The following TANC1 variants were observed in gnomAD, a reference collection of about 807,000 sequenced individuals.
TANC1 encodes tetratricopeptide repeat, ankyrin repeat and coiled-coil containing 1, also known as protein TANC1.
Under a neutral mutation model 149.7 loss-of-function variants are expected in TANC1, and 77 were observed. The ratio of observed to expected loss-of-function variants is 0.51; its 90% confidence interval spans 0.43 to 0.62. The LOEUF is 0.62. Ranked by LOEUF, TANC1 falls within the 20% of genes least tolerant of loss-of-function variation. The pLI, the probability that TANC1 is intolerant of heterozygous loss-of-function variation, is 0.00. For missense variants in TANC1, 1,985 were observed against 2,321.8 expected, an observed-to-expected ratio of 0.85 and a Z score of 2.98; for synonymous variants, 854 against 925.0, an observed-to-expected ratio of 0.92 and a Z score of 1.39.
rs771808991 is a variant in TANC1 at position 159,097,790 on chromosome 2, G to A, written c.215G>A (p.Arg72Gln). The A allele has an allele frequency of 9.3e-6, 15 of 1,613,730 alleles. No individual in the cohort carries two copies. Among genetic ancestry groups the A allele is most frequent in the East Asian group, 6.7e-5 (3 of 44,878 alleles). ...MSLPSSPLLP[R>Q]QSHLVQSRVN... Reference sequence around the variant, plus strand: ...CTGCCTTCCTCACCTTTGCTGCCTCGACAGTCTCACTTGGTGCAATCAAGA... The same window carrying A: ...CTGCCTTCCTCACCTTTGCTGCCTCAACAGTCTCACTTGGTGCAATCAAGA... Residue 72 changes from arginine (R) to glutamine (Q), a missense_variant, in exon 4 of 27, where the codon CGA (arginine) becomes CAA (glutamine). Arg to Gln is a conservative substitution (Grantham distance 43). Around this residue, in one of 3 missense-constraint regions of TANC1, gnomAD observed 557 missense variants for 612.9 expected, o/e 0.91. Transcript: ENST00000263635.
intron 4 of TANC1, among the ~76,000 whole-genome samples, chr2:159,110,448 G>T (rs1227581372): frequency 6.6e-6 from 1 of 152,130 alleles, no homozygotes; most frequent in African/African-American, 2.4e-5. Flanking sequence ...ATAAATTGTT[G>T]TTTAAGCCAC....
In TANC1 at chr2:159,130,835, C is replaced by T. The variant is rs78509970; in HGVS notation, c.260-5359C>T. On this transcript the variant is annotated intron_variant, in intron 4 of 26. Coordinates refer to ENST00000263635, the MANE Select transcript of TANC1 (RefSeq NM_033394.3). Reference sequence around the variant, plus strand: ...AGCTGGGACTACAGGCGTGCACCACCGTGCCCAACTCAGAGTTCCTTTCTT... The same window carrying T: ...AGCTGGGACTACAGGCGTGCACCACTGTGCCCAACTCAGAGTTCCTTTCTT... Among the ~76,000 whole-genome samples the T allele has an allele frequency of 4.1e-3, 626 of 152,264 alleles. 3 individuals carry two copies. The highest frequency in any genetic ancestry group is 0.013 in the African/African-American group (556 of 41,550).
chr2:159,154,015 C>T (rs1308396276), intron 7 of TANC1, among the ~76,000 whole-genome samples: 1 of 152,092 alleles, frequency 6.6e-6, no homozygotes, highest in Non-Finnish European at 1.5e-5. Context: ...TTACACAGGG[C>T]CTGGAGAAGG....
In TANC1 at chr2:159,096,559, G is replaced by A. The variant is rs897861831; in HGVS notation, c.62-1078G>A. Among the ~76,000 whole-genome samples the A allele has an allele frequency of 2.6e-5, 4 of 152,228 alleles. No individual in the cohort carries two copies. In the South Asian group the frequency reaches 6.2e-4, roughly 24 times the overall value. On this transcript the variant is annotated intron_variant, in intron 3 of 26. Transcript: ENST00000263635. The stretch of plus-strand genomic sequence containing the variant: ...GAGAGCACACCTGGACAGGGGAGGG[G>A]CAGGAGTTCTTATTCCTGACGCAGG...
rs56038534 is a variant in TANC1, at chr2:159,091,962, A to AG, written c.62-5667dup. 7.6e-4 allele frequency among the ~76,000 whole-genome samples: 106 copies of AG among 140,012 alleles called. 1 individual carries two copies. The highest frequency in any genetic ancestry group is 2.1e-3 in the African/African-American group (72 of 34,436). The allele number at this position is 140,012 out of a possible 152,430, so 91.9% of individuals were successfully genotyped here. ...AAATCTTTCAGTTTTCTGTAAATAT[A>AG]GGGGGGGGTGTGTGTGTGTATGTAT... On this transcript the variant is annotated intron_variant, in intron 3 of 26. Coordinates refer to ENST00000263635, the MANE Select transcript of TANC1 (RefSeq NM_033394.3).
At position 159,096,046 on chromosome 2, in the gene TANC1, A is replaced by C. The variant is rs533048106; in HGVS notation, c.62-1591A>C. Among the ~76,000 whole-genome samples, 7 of 152,240 alleles carry C rather than the reference A, an allele frequency of 4.6e-5. No individual in the cohort carries two copies. The East Asian group carries it at 1.4e-3, about 29-fold the overall frequency. On this transcript the variant is annotated intron_variant, in intron 3 of 26. Coordinates refer to ENST00000263635, the MANE Select transcript of TANC1 (RefSeq NM_033394.3). ...GTTTTTGGAGCCAGGAAGGCGTGGC[A>C]AGGACTGGTTGGATAGCTTTTGTCA...
At chr2:159,152,463 A>ATTTTTTTT (rs55894080) in intron 7 of TANC1, among the ~76,000 whole-genome samples, 2 of 118,156 alleles carry the variant, frequency 1.7e-5, no homozygotes, top group Non-Finnish European at 3.5e-5. Flanking sequence ...TTATAACCAA[A>ATTTTTTTT]TTTTTTTTTT....
At chr2:159,030,842 A>G (rs963306549) in intron 2 of TANC1, among the ~76,000 whole-genome samples, 1 of 151,166 alleles carries the variant, frequency 6.6e-6, no homozygotes, top group Non-Finnish European at 1.5e-5. Flanking sequence ...TGGGCTTGGA[A>G]CCCCCATCTC....
At chr2:159,142,513 C>G (rs556327371) in intron 5 of TANC1, among the ~76,000 whole-genome samples, 2 of 152,278 alleles carry the variant, frequency 1.3e-5, no homozygotes, top group African/African-American at 4.8e-5. Context: ...AATCTTGACC[C>G]TTGGAGACCC....
Position 159,085,954 on chromosome 2 carries a change from G to A in TANC1, c.62-11683G>A, listed in dbSNP as rs547414532. On this transcript the variant is annotated intron_variant, in intron 3 of 26. Coordinates refer to ENST00000263635, the MANE Select transcript of TANC1 (RefSeq NM_033394.3). ...AGGAATGAAACAGTATGTGAAGTTC[G>A]AGGATAAGTGGCCTCTGGCAGTAAT... is the stretch of plus-strand genomic sequence containing the variant. Among the ~76,000 whole-genome samples the A allele has an allele frequency of 2.1e-4, 32 of 152,304 alleles. No homozygotes were observed. In the South Asian group the frequency reaches 5.8e-3, roughly 28 times the overall value.
At chr2:159,091,256 T>A (rs1408935169) in intron 3 of TANC1, among the ~76,000 whole-genome samples, 1 of 152,172 alleles carries the variant, frequency 6.6e-6, no homozygotes, top group African/African-American at 2.4e-5. Flanking sequence ...GCAAGATACT[T>A]GATCCTTTCT....
chr2:159,101,906 T>A (rs1017597344), intron 4 of TANC1, among the ~76,000 whole-genome samples: 1 of 152,216 alleles, frequency 6.6e-6, no homozygotes, highest in Non-Finnish European at 1.5e-5. Flanking sequence ...GCCCTACTCC[T>A]TGTATGGAGA....
rs17813232 is a variant in TANC1 at position 159,114,653 on chromosome 2, C to G, written c.259+16819C>G. Among the ~76,000 whole-genome samples the G allele has an allele frequency of 8.7e-3, 1,320 of 152,252 alleles. 14 individuals are homozygous for G. Among genetic ancestry groups the G allele is most frequent in the Non-Finnish European group, 0.014 (923 of 68,032 alleles). ...CCATTTTTATTTGCATTTTGACACT[C>G]TTTTATTATTTTTATGGTATACTTT... is the stretch of plus-strand genomic sequence containing the variant. On this transcript the variant is annotated intron_variant, in intron 4 of 26. Transcript: ENST00000263635.
At chr2:159,208,696 A>G (rs1270725018) in intron 19 of TANC1, among the ~76,000 whole-genome samples, 2 of 152,234 alleles carry the variant, frequency 1.3e-5, no homozygotes, top group East Asian at 1.9e-4. Flanking sequence ...AGGCCCCATC[A>G]TGGCCATTGG....
intron 5 of TANC1, among the ~76,000 whole-genome samples, chr2:159,138,275 C>G (rs2050976469): frequency 6.6e-6 from 1 of 152,108 alleles, no homozygotes; most frequent in Non-Finnish European, 1.5e-5. Flanking sequence ...TTAAGTGTCT[C>G]GGGAGCAGGT....
intron 19 of TANC1, among the ~76,000 whole-genome samples, chr2:159,212,333 A>G (rs2059043022): frequency 6.6e-6 from 1 of 152,142 alleles, no homozygotes; most frequent in South Asian, 2.1e-4. Context: ...CCTTGCCTAG[A>G]GGAAAATGGC....
intron 2 of TANC1, among the ~76,000 whole-genome samples, chr2:159,010,518 T>G (rs2037647151): frequency 6.6e-6 from 1 of 152,062 alleles, no homozygotes; most frequent in Non-Finnish European, 1.5e-5. Flanking sequence ...GTGGAGGCCG[T>G]GGGTGCGTCG....
intron 7 of TANC1, among the ~76,000 whole-genome samples, chr2:159,155,576 C>T (rs1474549883): frequency 6.6e-6 from 1 of 152,166 alleles, no homozygotes; most frequent in Non-Finnish European, 1.5e-5. Flanking sequence ...ATCTACCTGC[C>T]CAGCTCTCAG....
intron 2 of TANC1, among the ~76,000 whole-genome samples, chr2:159,057,682 G>T (rs575090539): frequency 6.6e-6 from 1 of 152,296 alleles, no homozygotes; most frequent in Non-Finnish European, 1.5e-5. Flanking sequence ...ATTCATTGAT[G>T]TTGAAATTGG....
Sources: allele counts gnomAD v4.1 joint callset (sites outside exome capture counted in the v4.1 genomes callset), GRCh38; gene constraint gnomAD v4.1.1; regional missense constraint gnomAD v4.1.1; transcripts MANE v1.5; gene names NCBI Gene and HGNC (gene_info 2026-07-23, HGNC 2026-07-21).